The following CRYBG1 variants were observed in gnomAD, a reference collection of about 807,000 sequenced individuals.
CRYBG1 encodes crystallin beta-gamma domain containing 1, also known as beta/gamma crystallin domain-containing protein 1.
In CRYBG1, 139 loss-of-function variants were observed where a neutral mutation model predicts 189.2. The observed-to-expected ratio is 0.73, with a 90% CI of 0.64 to 0.85. CRYBG1 has a LOEUF of 0.85. Ranked by LOEUF, CRYBG1 falls within the 40% of genes least tolerant of loss-of-function variation. CRYBG1 has a pLI of 0.00. For missense variants in CRYBG1, 2,611 were observed against 2,675.8 expected (o/e 0.98, Z 0.53); for synonymous variants, 1,023 against 1,017.1 (o/e 1.01, Z -0.11).
intron 16 of CRYBG1, among the ~76,000 whole-genome samples, chr6:106,554,766 T>C (rs1774494115): frequency 6.6e-6 from 1 of 152,210 alleles, no homozygotes; most frequent in African/African-American, 2.4e-5. Flanking sequence ...CTCAGCTCAC[T>C]AGAGTATTAA....
chr6:106,369,191 C>G (rs1769964348), intron 1 of CRYBG1, among the ~76,000 whole-genome samples: 1 of 152,112 alleles, frequency 6.6e-6, no homozygotes, highest in African/African-American at 2.4e-5. Context: ...TTGCAGTGTC[C>G]CCGACCTCTC....
chr6:106,446,615 A>G (rs956834691), intron 1 of CRYBG1, among the ~76,000 whole-genome samples: 18 of 152,232 alleles, frequency 1.2e-4, no homozygotes, highest in African/African-American at 4.3e-4. Context: ...ATTAGGCTAC[A>G]CATATTTAAA....
At chr6:106,375,417 GTAAGTAAA>G (rs1314753931) in intron 1 of CRYBG1, among the ~76,000 whole-genome samples, 7,906 of 133,058 alleles carry the variant, frequency 0.059, 381 homozygotes, top group African/African-American at 0.17. Flanking sequence ...AAGTAAGTAA[GTAAGTAAA>G]TAAATAAATA....
At chr6:106,402,335 A>G (rs542445207) in intron 1 of CRYBG1, among the ~76,000 whole-genome samples, 75 of 58,996 alleles carry the variant, frequency 1.3e-3, no homozygotes, top group South Asian at 4.9e-3. Flanking sequence ...AGCCCGCATC[A>G]CCAAGTCAAT....
intron 2 of CRYBG1, among the ~76,000 whole-genome samples, chr6:106,496,087 C>A (rs192205281): frequency 6.6e-6 from 1 of 152,168 alleles, no homozygotes; most frequent in Non-Finnish European, 1.5e-5. Flanking sequence ...TTATGTATTG[C>A]ACATACTTTC....
At chr6:106,462,033 T>G (rs80273015) in intron 2 of CRYBG1, among the ~76,000 whole-genome samples, 2,486 of 152,362 alleles carry the variant, frequency 0.016, 48 homozygotes, top group African/African-American at 0.057. Context: ...AATCAGCATG[T>G]ATTAATATTA....
intron 8 of CRYBG1, among the ~76,000 whole-genome samples, chr6:106,536,187 A>G (rs1047572877): frequency 2.0e-5 from 3 of 152,016 alleles, no homozygotes; most frequent in African/African-American, 7.3e-5. Context: ...CGAATTTCCT[A>G]TCTACTAGGG....
At chr6:106,407,592 T>G (rs373049162) in intron 1 of CRYBG1, among the ~76,000 whole-genome samples, 6 of 152,074 alleles carry the variant, frequency 3.9e-5, no homozygotes, top group Admixed American at 6.6e-5. Flanking sequence ...CAGCACCACA[T>G]CACACTTATT....
chr6:106,405,486 TG>T (rs1770803990), intron 1 of CRYBG1, among the ~76,000 whole-genome samples: 1 of 152,246 alleles, frequency 6.6e-6, no homozygotes. Context: ...TCCTGCCTGC[TG>T]GCTCTGAAGA....
At chr6:106,505,203 T>A (rs753487882) in intron 2 of CRYBG1, among the ~76,000 whole-genome samples, 31 of 151,986 alleles carry the variant, frequency 2.0e-4, no homozygotes, top group Non-Finnish European at 2.8e-4. Flanking sequence ...CAAGCAATTC[T>A]CTTGCCTCAG....
At chr6:106,548,755 T>G (rs941318765) in intron 13 of CRYBG1, among the ~76,000 whole-genome samples, 1 of 152,030 alleles carries the variant, frequency 6.6e-6, no homozygotes, top group Non-Finnish European at 1.5e-5. Context: ...ATTTTATTAT[T>G]ATTATACTTT....
At chr6:106,407,460 A>C (rs1483565333) in intron 1 of CRYBG1, among the ~76,000 whole-genome samples, 1 of 152,186 alleles carries the variant, frequency 6.6e-6, no homozygotes, top group Non-Finnish European at 1.5e-5. Context: ...CCCCACTGTC[A>C]ATATTACACA....
chr6:106,526,944 AAAAAAAAAAAAAAAAGAGAC>A (rs1773751659), intron 6 of CRYBG1, among the ~76,000 whole-genome samples: 1 of 148,200 alleles, frequency 6.7e-6, no homozygotes, highest in South Asian at 2.1e-4. Flanking sequence ...CTGTATCCAA[AAAAAAAAAAAAAAAAGAGAC>A]AAAAAAAAAA....
intron 1 of CRYBG1, among the ~76,000 whole-genome samples, chr6:106,395,558 A>T (rs1302323494): frequency 6.6e-6 from 1 of 151,882 alleles, no homozygotes; most frequent in African/African-American, 2.4e-5. Flanking sequence ...ATTTTGTTAT[A>T]TAGTATTATT....
chr6:106,454,763 C>T (rs556036092), intron 2 of CRYBG1: 5 of 152,316 alleles, frequency 3.3e-5, no homozygotes, highest in African/African-American at 7.2e-5. Context: ...ATTTTTAACA[C>T]GTTGTAACAA....
At chr6:106,394,547 A>G (rs1770569447) in intron 1 of CRYBG1, among the ~76,000 whole-genome samples, 1 of 152,270 alleles carries the variant, frequency 6.6e-6, no homozygotes, top group Non-Finnish European at 1.5e-5. Context: ...ACATGAGGGC[A>G]CATTGACTTT....
At chr6:106,491,863 C>A (rs1254411643) in intron 2 of CRYBG1, among the ~76,000 whole-genome samples, 14 of 152,174 alleles carry the variant, frequency 9.2e-5, no homozygotes, top group Non-Finnish European at 2.1e-4. Context: ...ACTTGCCTCT[C>A]AAGGCTTTCC....
At chr6:106,391,928 CGTGTGTGT>C (rs57024907) in intron 1 of CRYBG1, among the ~76,000 whole-genome samples, 3,330 of 131,322 alleles carry the variant, frequency 0.025, 60 homozygotes, top group South Asian at 0.052. Flanking sequence ...TTGTTTAAAA[CGTGTGTGT>C]GTGTGTGTGT....
chr6:106,512,451 A>C lies in CRYBG1; in HGVS notation c.1334A>C (p.Asp445Ala). ...CTCCCTGAGAGCGCTGCCAGGGACG[A>C]CGCGGTGTTCGACGACGAGGTGGCG... ...AELPESAARD[D>A]AVFDDEVAPN... The change falls in exon 3 of 22, where the codon GAC (aspartate) becomes GCC (alanine). Residue 445 changes from aspartate to alanine, a missense_variant. By Grantham distance (126) the Asp-to-Ala change is moderately radical. Coordinates refer to ENST00000633556, the MANE Select transcript of CRYBG1 (RefSeq NM_001371242.2). 6.2e-7 allele frequency: 1 copy of C among 1,610,862 alleles called. No individual in the cohort carries two copies. Among genetic ancestry groups the C allele is most frequent in the Non-Finnish European group, 8.5e-7 (1 of 1,179,072 alleles).
Sources: allele counts gnomAD v4.1 joint callset (sites outside exome capture counted in the v4.1 genomes callset), GRCh38; gene constraint gnomAD v4.1.1; transcripts MANE v1.5; gene names NCBI Gene and HGNC (gene_info 2026-07-23, HGNC 2026-07-21).